LMO7: variants seen among roughly 807,000 people sequenced by gnomAD.
The protein encoded by LMO7 is LIM domain 7, also known as LIM domain only protein 7.
LMO7 carries 120 observed loss-of-function variants against 206.5 expected under a neutral mutation model. The ratio of observed to expected loss-of-function variants is 0.58; its 90% CI spans 0.50 to 0.68. The LOEUF is 0.68. LMO7 is among the 30% of genes least tolerant of loss of function. LMO7 has a pLI of 0.00. For synonymous variants in LMO7, 706 were observed against 681.5 expected, an observed-to-expected ratio of 1.04 and a Z score of -0.56; for missense variants, 1,959 against 1,957.9, an observed-to-expected ratio of 1.00 and a Z score of -0.01.
At position 75,761,569 on chromosome 13, in the gene LMO7, G is replaced by A. The variant is rs116254911; in HGVS notation, c.317+531G>A. Among the ~76,000 whole-genome samples the A allele has an allele frequency of 8.5e-3, 1,297 of 152,106 alleles. 24 individuals carry two copies. Among genetic ancestry groups the A allele is most frequent in the African/African-American group, 0.029 (1,222 of 41,500 alleles). On this transcript the variant is annotated intron_variant, in intron 4 of 30. Coordinates refer to ENST00000377534, the MANE Select transcript of LMO7 (RefSeq NM_001306080.2). The stretch of plus-strand genomic sequence containing the variant: ...CTTTTAAAAATGAGCTGTTTTTCAC[G>A]ATTTTAATAGTGTGGATGAGAAAGT...
chr13:75,811,299 C>T (rs2056370461), intron 11 of LMO7, among the ~76,000 whole-genome samples: 1 of 150,820 alleles, frequency 6.6e-6, no homozygotes, highest in South Asian at 2.1e-4. Context: ...CCTGCCTTGG[C>T]CTCCCAAAGT....
upstream of LMO7, among the ~76,000 whole-genome samples, chr13:75,633,424 C>A (rs991672560): frequency 4.3e-4 from 65 of 152,138 alleles, no homozygotes; most frequent in Non-Finnish European, 5.6e-4. Context: ...AAAACCATCA[C>A]CCCAGTACGG....
chr13:75,804,440 T>C lies in LMO7; in HGVS notation c.813T>C (p.Tyr271=). 3.7e-6 allele frequency: 6 copies of C among 1,614,194 alleles called. No homozygotes were observed. The highest frequency in any genetic ancestry group is 5.1e-6 in the Non-Finnish European group (6 of 1,180,022). Reference sequence around the variant, plus strand: ...CCAACAAAAGTAGACAGCCATCCTATGTACCAGCACCTCTGAGAAAGAAAA... The same window carrying C: ...CCAACAAAAGTAGACAGCCATCCTACGTACCAGCACCTCTGAGAAAGAAAA... ...FLPNKSRQPS[Y]VPAPLRKKKP... is the part of the protein sequence containing the mutation. The change falls in exon 8 of 31, where the codon TAT becomes TAC. Residue 271 remains tyrosine (Y), a synonymous_variant. Coordinates refer to ENST00000377534, the MANE Select transcript of LMO7 (RefSeq NM_001306080.2).
At chr13:75,622,810 TAA>T (rs2033494437) in intron 1 of LMO7, among the ~76,000 whole-genome samples, 1 of 152,236 alleles carries the variant, frequency 6.6e-6, no homozygotes, top group Non-Finnish European at 1.5e-5. Context: ...AAGCAGATCT[TAA>T]AGTTAATAAC....
intron 1 of LMO7, among the ~76,000 whole-genome samples, chr13:75,706,889 G>A (rs998122991): frequency 8.5e-5 from 13 of 152,070 alleles, no homozygotes; most frequent in African/African-American, 2.4e-4. Context: ...TCTGTTTCAT[G>A]TGGGAGGTTT....
At chr13:75,803,333 C>T (rs902803965) in intron 7 of LMO7, among the ~76,000 whole-genome samples, 2 of 152,182 alleles carry the variant, frequency 1.3e-5, no homozygotes, top group African/African-American at 4.8e-5. Flanking sequence ...TGCAGGTGCT[C>T]TACCTGCTGA....
intron 15 of LMO7, among the ~76,000 whole-genome samples, chr13:75,826,180 G>A (rs534361177): frequency 2.6e-5 from 4 of 152,012 alleles, no homozygotes; most frequent in African/African-American, 9.6e-5. Flanking sequence ...AGCTGGGACT[G>A]CAAGCACATG....
At chr13:75,627,979 C>CA (rs1326510580) in intron 2 of LMO7, 3 of 151,090 alleles carry the variant, frequency 2.0e-5, no homozygotes, top group Non-Finnish European at 3.0e-5. Flanking sequence ...ACAAAAACCT[C>CA]AAAAAAAGCT....
rs1004168230 is a variant in LMO7, at chr13:75,845,366, C to T, written c.4137C>T (p.Ser1379=). 4 of 1,581,922 alleles carry T rather than the reference C, an allele frequency of 2.5e-6. No homozygotes were observed. The South Asian group carries it at 3.4e-5, about 13-fold the overall frequency. The change falls in exon 26 of 31, where the codon TCC becomes TCT. Residue 1379 remains serine, a synonymous_variant. Transcript: ENST00000377534. ...CTACTACTGAACTGGATGATTACTC[C>T]ACAAATAAAAATGGTAAATGCGATA... ...SRSTTELDDY[S]TNKNGNNKYL... is the part of the protein sequence containing the mutation.
intron 3 of LMO7, among the ~76,000 whole-genome samples, chr13:75,730,104 C>G (rs1342496254): frequency 6.6e-6 from 1 of 151,876 alleles, no homozygotes; most frequent in East Asian, 1.9e-4. Flanking sequence ...TTGGTTGTGT[C>G]TCTGCCAGGC....
At chr13:75,636,881 T>C (rs1197247186) in intron 1 of LMO7, among the ~76,000 whole-genome samples, 155 bp downstream of exon 1, 3 of 152,240 alleles carry the variant, frequency 2.0e-5, no homozygotes, top group African/African-American at 7.2e-5. Context: ...TTTTGGGGAC[T>C]CTGCGGGTTC....
At chr13:75,668,804 A>C (rs891650957) in intron 1 of LMO7, among the ~76,000 whole-genome samples, 9 of 152,236 alleles carry the variant, frequency 5.9e-5, no homozygotes, top group Non-Finnish European at 1.3e-4. Context: ...TAGAAAAACA[A>C]CTTGGCTATA....
chr13:75,662,813 G>A (rs2038731366), intron 1 of LMO7, among the ~76,000 whole-genome samples: 1 of 152,190 alleles, frequency 6.6e-6, no homozygotes, highest in African/African-American at 2.4e-5. Context: ...GATTAACTGT[G>A]AAGGAGGACT....
At chr13:75,791,180 T>C (rs2053236075) in intron 4 of LMO7, among the ~76,000 whole-genome samples, 2 of 152,152 alleles carry the variant, frequency 1.3e-5, no homozygotes, top group African/African-American at 4.8e-5. Context: ...TAGGCCACCA[T>C]GTAAGCTTTG....
intron 1 of LMO7, among the ~76,000 whole-genome samples, chr13:75,639,151 T>C (rs2036263148): frequency 1.3e-5 from 2 of 152,240 alleles, no homozygotes; most frequent in Admixed American, 6.5e-5. Context: ...TTCCATTTTC[T>C]ATCTGTGATT....
chr13:75,657,082 G>A (rs2038128902), intron 1 of LMO7, among the ~76,000 whole-genome samples: 1 of 152,192 alleles, frequency 6.6e-6, no homozygotes, highest in Admixed American at 6.5e-5. Flanking sequence ...CATGCACAGA[G>A]GGATGAAGGC....
intron 2 of LMO7, among the ~76,000 whole-genome samples, chr13:75,718,576 C>T (rs1188765056): frequency 6.6e-6 from 1 of 152,054 alleles, no homozygotes; most frequent in Non-Finnish European, 1.5e-5. Flanking sequence ...CACAGCCTCC[C>T]CCATTATCAA....
intron 6 of LMO7, among the ~76,000 whole-genome samples, chr13:75,798,091 C>T (rs1254948394): frequency 6.6e-6 from 1 of 152,186 alleles, no homozygotes; most frequent in African/African-American, 2.4e-5. Flanking sequence ...ATGTGGGGGG[C>T]TGGGCACAGT....
chr13:75,641,411 A>G (rs1409452183), intron 1 of LMO7, among the ~76,000 whole-genome samples: 1 of 152,166 alleles, frequency 6.6e-6, no homozygotes, highest in African/African-American at 2.4e-5. Context: ...AGTGAAATGC[A>G]CTGATTTTAA....
Sources: allele counts gnomAD v4.1 joint callset (sites outside exome capture counted in the v4.1 genomes callset), GRCh38; gene constraint gnomAD v4.1.1; transcripts MANE v1.5; gene names NCBI Gene and HGNC (gene_info 2026-07-23, HGNC 2026-07-21).